The following NRIP3 variants were observed in gnomAD, a reference collection of about 807,000 sequenced individuals.
NRIP3 encodes nuclear receptor interacting protein 3.
A neutral mutation model predicts 29.0 loss-of-function variants in NRIP3; 31 were observed. The observed-to-expected ratio is 1.07, with a 90% CI of 0.80 to 1.44. The LOEUF (loss-of-function observed/expected upper bound fraction) is 1.44, where lower values mean the gene tolerates loss of function less well. Among genes scored for constraint, NRIP3 ranks in the 40% most tolerant of loss-of-function variants. The probability of loss-of-function intolerance (pLI) is 0.00; values close to 1 mark genes in which losing one functional copy is unlikely to be tolerated. For missense variants in NRIP3, 314 were observed against 297.9 expected, an observed-to-expected ratio of 1.05 and a Z score of -0.40; for synonymous variants, 131 against 118.3, an observed-to-expected ratio of 1.11 and a Z score of -0.70.
At chr11:9,000,896 C>T (rs1854782151) in intron 1 of NRIP3, among the ~76,000 whole-genome samples, 1 of 151,922 alleles carries the variant, frequency 6.6e-6, no homozygotes, top group Admixed American at 6.6e-5. Context: ...TGGCAAAATC[C>T]CATCTCTACA....
intron 1 of NRIP3, among the ~76,000 whole-genome samples, chr11:8,996,632 CA>C (rs1351447048): frequency 6.6e-6 from 1 of 152,194 alleles, no homozygotes; most frequent in Non-Finnish European, 1.5e-5. Context: ...AGAATCCCTT[CA>C]ATACTTGTAT....
intron 3 of NRIP3, 70 bp from the exon 4 acceptor site, chr11:8,985,920 T>A (rs1854514985): frequency 6.5e-7 from 1 of 1,538,422 alleles, no homozygotes; most frequent in Non-Finnish European, 8.9e-7. Context: ...AATGCCTACC[T>A]TCTGACCTAC....
chr11:8,983,031 A>G lies in NRIP3; in HGVS notation c.*514T>C. ...TGAAAGAGTTAAACTGTAATGGATA[A>G]TGTCCCTGGGCTCTTTCACATAATC... is the stretch of plus-strand genomic sequence containing the variant. On this transcript the variant is annotated 3_prime_UTR_variant, in exon 7 of 7. Transcript: ENST00000309166. 1 of 456,496 alleles carries G rather than the reference A, an allele frequency of 2.2e-6. No homozygotes were observed. Among genetic ancestry groups the G allele is most frequent in the Non-Finnish European group, 4.4e-6 (1 of 227,012 alleles). 28.3% of individuals were successfully genotyped at this position (456,496 alleles called of 1,614,324 possible). A position where few individuals can be genotyped will look rare whatever the true frequency, so the allele number is the denominator to read the frequency against.
rs11555584 is a variant in NRIP3 at position 8,985,805 on chromosome 11, A to T, written c.468T>A (p.Leu156=). The T allele has an allele frequency of 6.2e-7, 1 of 1,614,122 alleles. No homozygotes were observed. Among genetic ancestry groups the T allele is most frequent in the Non-Finnish European group, 8.5e-7 (1 of 1,180,020 alleles). ...CTACTTTGAGATGCCGGGGTAGAGA[A>T]AGCTTTTCTCCTTCATGCTTGTGGG... ...VKSHKHEGEK[L]SLPRHLKVVG... The change falls in exon 4 of 7, where the codon CTT becomes CTA. Residue 156 remains leucine (L), a synonymous_variant. Coordinates refer to ENST00000309166, the MANE Select transcript of NRIP3 (RefSeq NM_020645.3).
chr11:8,996,823 G>C (rs1005885970), intron 1 of NRIP3, among the ~76,000 whole-genome samples: 6 of 152,194 alleles, frequency 3.9e-5, no homozygotes, highest in African/African-American at 1.4e-4. Context: ...GGGAGGCTGA[G>C]GCAGGACTGC....
At chr11:8,997,204 G>T (rs554062527) in intron 1 of NRIP3, among the ~76,000 whole-genome samples, 129 of 151,974 alleles carry the variant, frequency 8.5e-4, no homozygotes, top group Non-Finnish European at 1.4e-3. Flanking sequence ...GTGAAACCCT[G>T]TCTCTACTAA....
chr11:8,996,222 C>T (rs1235101416), intron 1 of NRIP3, among the ~76,000 whole-genome samples: 2 of 149,316 alleles, frequency 1.3e-5, no homozygotes, highest in Non-Finnish European at 3.0e-5. Context: ...CAGCTCTTGA[C>T]ATAGTACTGA....
intron 1 of NRIP3, among the ~76,000 whole-genome samples, chr11:8,991,128 C>T (rs1455303316): frequency 6.6e-6 from 1 of 152,014 alleles, no homozygotes; most frequent in Non-Finnish European, 1.5e-5. Context: ...AGTGAAACCC[C>T]GTCTCTACTA....
chr11:8,984,299 G>A (rs551842015), intron 4 of NRIP3, among the ~76,000 whole-genome samples, 175 bp from the exon 5 acceptor site: 1 of 150,158 alleles, frequency 6.7e-6, no homozygotes, highest in Admixed American at 6.6e-5. Context: ...TTTCGCTCTT[G>A]TTGCCCAGGC....
intron 4 of NRIP3, among the ~76,000 whole-genome samples, chr11:8,984,467 T>G (rs990372882): frequency 3.3e-5 from 5 of 152,210 alleles, no homozygotes; most frequent in African/African-American, 1.2e-4. Flanking sequence ...TTTGCCATGT[T>G]GGCCAGGCTT....
chr11:8,990,428 T>A (rs1854580896), intron 1 of NRIP3, among the ~76,000 whole-genome samples: 1 of 152,226 alleles, frequency 6.6e-6, no homozygotes, highest in African/African-American at 2.4e-5. Flanking sequence ...TGTTCTTTAG[T>A]AACCAAAAAA....
At chr11:9,000,189 T>C (rs930016198) in intron 1 of NRIP3, among the ~76,000 whole-genome samples, 1 of 152,260 alleles carries the variant, frequency 6.6e-6, no homozygotes, top group Non-Finnish European at 1.5e-5. Flanking sequence ...ATTTGTGTCT[T>C]AGCCCCTAGA....
Position 8,988,255 on chromosome 11 carries a change from G to C in NRIP3, c.202C>G (p.Leu68Val). ...AGCTTAGACAGGTTGGTTTCCATGA[G>C]GCGCCTCTGCAGAATATTATGAGGT... ...MQPHNILQRR[L>V]METNLSKLRS... The change falls in exon 2 of 7, where the codon CTC becomes GTC. Residue 68 changes from leucine (L) to valine (V), a missense_variant. Physicochemically the swap from Leu to Val is conservative, Grantham distance 32 (BLOSUM62 1). Coordinates refer to ENST00000309166, the MANE Select transcript of NRIP3 (RefSeq NM_020645.3). 6.2e-7 allele frequency: 1 copy of C among 1,614,152 alleles called. No individual in the cohort carries two copies.
chr11:8,990,403 G>C (rs544202539), intron 1 of NRIP3, among the ~76,000 whole-genome samples: 1 of 152,264 alleles, frequency 6.6e-6, no homozygotes, highest in African/African-American at 2.4e-5. Flanking sequence ...TGGCCCTGCT[G>C]ACTATTCCTT....
At chr11:8,984,163 C>A (rs1397047492) in intron 4 of NRIP3, 39 bp from the exon 5 acceptor site, 2 of 1,448,618 alleles carry the variant, frequency 1.4e-6, no homozygotes, top group African/African-American at 2.8e-5. Flanking sequence ...TTAGCCATTT[C>A]CATGCTTGCT....
chr11:8,982,800 C>G lies in NRIP3; in HGVS notation c.*745G>C, dbSNP rs1854442051. On this transcript the variant is annotated 3_prime_UTR_variant, in exon 7 of 7. Coordinates refer to ENST00000309166, the MANE Select transcript of NRIP3 (RefSeq NM_020645.3). ...CTACCCAAATCATCCTAGCATCCAT[C>G]TCCAGAGAATATTCCTCCCATGCTC... 8.7e-6 allele frequency: 3 copies of G among 345,584 alleles called. No individual in the cohort carries two copies. The highest frequency in any genetic ancestry group is 4.4e-5 in the African/African-American group (2 of 45,472). 21.4% of individuals were successfully genotyped at this position (345,584 alleles called of 1,614,324 possible). A position where few individuals can be genotyped will look rare whatever the true frequency, so the allele number is the denominator to read the frequency against.
At chr11:9,000,406 TAGAC>T (rs1854773442) in intron 1 of NRIP3, among the ~76,000 whole-genome samples, 1 of 152,236 alleles carries the variant, frequency 6.6e-6, no homozygotes, top group Non-Finnish European at 1.5e-5. Flanking sequence ...CCTGCTCTAA[TAGAC>T]AGAGATTCTG....
At chr11:9,004,027 T>G, upstream of NRIP3, 1 of 1,251,894 alleles carries the variant, frequency 8.0e-7, no homozygotes, top group Non-Finnish European at 1.0e-6. Flanking sequence ...AGCCGCGCCT[T>G]TTATAGCCGA....
rs541653729 is a variant in NRIP3 at position 8,983,355 on chromosome 11, C to G, written c.*190G>C. ...AAGTAGTAAAAAACAATGGCCATAA[C>G]CAGACAAGATCTCTAAGCATAGACT... is the stretch of plus-strand genomic sequence containing the variant. On this transcript the variant is annotated 3_prime_UTR_variant, in exon 7 of 7. Transcript: ENST00000309166. 9.0e-5 allele frequency: 54 copies of G among 599,734 alleles called. No homozygotes were observed. Among genetic ancestry groups the G allele is most frequent in the African/African-American group, 8.8e-4 (47 of 53,342 alleles). The allele number at this position is 599,734 out of a possible 1,614,324, so 37.2% of individuals were successfully genotyped here.
Sources: allele counts gnomAD v4.1 joint callset (sites outside exome capture counted in the v4.1 genomes callset), GRCh38; gene constraint gnomAD v4.1.1; transcripts MANE v1.5; gene names NCBI Gene and HGNC (gene_info 2026-07-23, HGNC 2026-07-21).